The following CEP128 variants were observed in gnomAD, a reference collection of about 807,000 sequenced individuals.
The protein encoded by CEP128 is centrosomal protein 128.
CEP128 carries 132 observed loss-of-function variants against 156.7 expected under a neutral mutation model. That is an observed-to-expected ratio of 0.84 (90% CI 0.73 to 0.97). CEP128 has a LOEUF of 0.97. CEP128 is among the 50% of genes least tolerant of loss of function. CEP128 has a pLI of 0.00. For synonymous variants in CEP128, 469 were observed against 448.9 expected, an observed-to-expected ratio of 1.04 and a Z score of -0.57; for missense variants, 1,252 against 1,281.9, an observed-to-expected ratio of 0.98 and a Z score of 0.36.
At chr14:80,598,062 C>T (rs570385972) in intron 19 of CEP128, among the ~76,000 whole-genome samples, 7 of 150,000 alleles carry the variant, frequency 4.7e-5, no homozygotes, top group Admixed American at 1.3e-4. Flanking sequence ...CCTACTCTCA[C>T]AATTCTTATT....
At chr14:80,611,266 TAC>T (rs1892983224) in intron 19 of CEP128, among the ~76,000 whole-genome samples, 1 of 151,104 alleles carries the variant, frequency 6.6e-6, no homozygotes, top group Non-Finnish European at 1.5e-5. Flanking sequence ...TTAAGAACCT[TAC>T]ATTGCCATGA....
intron 22 of CEP128, among the ~76,000 whole-genome samples, chr14:80,530,129 C>G (rs1321713122): frequency 2.0e-5 from 3 of 152,192 alleles, no homozygotes; most frequent in African/African-American, 7.2e-5. Context: ...TATACAAGGT[C>G]AATAAATTAT....
At chr14:80,926,326 A>T (rs1484059941) in intron 2 of CEP128, among the ~76,000 whole-genome samples, 1 of 152,146 alleles carries the variant, frequency 6.6e-6, no homozygotes, top group Non-Finnish European at 1.5e-5. Flanking sequence ...CACTGTGGGT[A>T]TGAGACCTGC....
At chr14:80,778,767 A>T (rs1016952845) in intron 15 of CEP128, among the ~76,000 whole-genome samples, 4 of 152,238 alleles carry the variant, frequency 2.6e-5, no homozygotes, top group African/African-American at 9.6e-5. Context: ...TAGGAAATTC[A>T]GTAAAGATTT....
intron 19 of CEP128, among the ~76,000 whole-genome samples, chr14:80,729,067 G>GTGTGTGTA (rs1898150636): frequency 7.1e-5 from 3 of 42,432 alleles, no homozygotes; most frequent in Non-Finnish European, 1.8e-4. Context: ...GGGTGTGTGT[G>GTGTGTGTA]TGTGTGTGTG....
intron 23 of CEP128, among the ~76,000 whole-genome samples, chr14:80,515,943 A>G (rs1888467298): frequency 6.6e-6 from 1 of 152,174 alleles, no homozygotes; most frequent in Admixed American, 6.5e-5. Flanking sequence ...ACTGCGGCTC[A>G]CTGCAACGAC....
At chr14:80,929,630 T>G (rs1885341774) in intron 2 of CEP128, among the ~76,000 whole-genome samples, 1 of 152,174 alleles carries the variant, frequency 6.6e-6, no homozygotes, top group Non-Finnish European at 1.5e-5. Context: ...AAGCCAACTA[T>G]TTCATGTTCT....
intron 19 of CEP128, among the ~76,000 whole-genome samples, chr14:80,704,627 T>G (rs2371335): frequency 0.34 from 51,831 of 151,890 alleles, 9,160 homozygotes; most frequent in South Asian, 0.5. Flanking sequence ...CAGAACTACT[T>G]TAGGCCTACA....
At chr14:80,602,721 G>A (rs1160849737) in intron 19 of CEP128, among the ~76,000 whole-genome samples, 3 of 152,058 alleles carry the variant, frequency 2.0e-5, no homozygotes, top group African/African-American at 7.2e-5. Context: ...GCAGTGAGCC[G>A]AGATCGCGCC....
At chr14:80,531,181 T>C (rs1050384224) in intron 21 of CEP128, among the ~76,000 whole-genome samples, 3 of 152,230 alleles carry the variant, frequency 2.0e-5, no homozygotes, top group Non-Finnish European at 4.4e-5. Flanking sequence ...CTATAGACTA[T>C]TTCATATTAA....
At chr14:80,764,087 C>T (rs1056738517) in intron 16 of CEP128, among the ~76,000 whole-genome samples, 1 of 152,192 alleles carries the variant, frequency 6.6e-6, no homozygotes, top group East Asian at 1.9e-4. Context: ...CTGTGGTCTC[C>T]ATTACTTGTC....
In CEP128 at chr14:80,870,949, TAAC is replaced by T. The variant is rs368567121; in HGVS notation, c.646-8079_646-8077del. The stretch of plus-strand genomic sequence containing the variant: ...CAAGAATCAGCAGCATTTCTATACA[TAAC>T]AACTCAAAAAAAAAAAGTCCTGTTC... On this transcript the variant is annotated intron_variant, in intron 8 of 24. Coordinates refer to ENST00000555265, the MANE Select transcript of CEP128 (RefSeq NM_152446.5). Among the ~76,000 whole-genome samples the T allele has an allele frequency of 1.5e-4, 22 of 148,602 alleles. No individual in the cohort carries two copies. The South Asian group carries it at 3.6e-3, about 24-fold the overall frequency.
At chr14:80,712,381 G>A (rs1897444045) in intron 19 of CEP128, among the ~76,000 whole-genome samples, 1 of 152,150 alleles carries the variant, frequency 6.6e-6, no homozygotes, top group Non-Finnish European at 1.5e-5. Flanking sequence ...CACCCTATGT[G>A]GCTCAAGCAT....
chr14:80,670,951 A>G (rs1390334603), intron 19 of CEP128, among the ~76,000 whole-genome samples: 2 of 152,216 alleles, frequency 1.3e-5, no homozygotes, highest in African/African-American at 2.4e-5. Flanking sequence ...TTGATTCAAT[A>G]GTACTAATTG....
At chr14:80,698,785 A>T (rs1179903375) in intron 19 of CEP128, among the ~76,000 whole-genome samples, 1 of 152,212 alleles carries the variant, frequency 6.6e-6, no homozygotes. Context: ...CTTAAAAAAA[A>T]GTAAATATTA....
At chr14:80,478,474 T>C (rs1286541244) in intron 14 of CEP128, 1 of 152,216 alleles carries the variant, frequency 6.6e-6, no homozygotes, top group Non-Finnish European at 1.5e-5. Context: ...AATGACACTT[T>C]GCATATGTAG....
At chr14:80,563,907 A>C (rs999040800) in intron 20 of CEP128, among the ~76,000 whole-genome samples, 2 of 152,206 alleles carry the variant, frequency 1.3e-5, no homozygotes, top group African/African-American at 4.8e-5. Flanking sequence ...TTATTGTATT[A>C]CACTAAATGT....
intron 19 of CEP128, among the ~76,000 whole-genome samples, chr14:80,627,873 G>A (rs1186452521): frequency 6.6e-6 from 1 of 151,574 alleles, no homozygotes; most frequent in Non-Finnish European, 1.5e-5. Flanking sequence ...AACCTCATTG[G>A]GCTATAAAAT....
chr14:80,891,097 T>C (rs1470043740), intron 8 of CEP128, among the ~76,000 whole-genome samples: 1 of 152,108 alleles, frequency 6.6e-6, no homozygotes, highest in African/African-American at 2.4e-5. Flanking sequence ...TCCCACACTG[T>C]TGATGGGAAT....
Sources: gnomAD v4.1 joint callset for allele counts (sites outside exome capture counted in the v4.1 genomes callset) on GRCh38, gnomAD v4.1.1 for gene constraint, MANE v1.5 for transcripts, NCBI Gene and HGNC (gene_info 2026-07-23, HGNC 2026-07-21) for gene names.